Variants in SCAMP1 observed in about 807,000 individuals in gnomAD.
SCAMP1 encodes secretory carrier-associated membrane protein 1.
In SCAMP1, 15 loss-of-function variants were observed where a neutral mutation model predicts 41.8. The observed-to-expected ratio is 0.36, with a 90% CI of 0.24 to 0.55. The LOEUF is 0.55. Among genes scored for constraint, SCAMP1 ranks in the 20% least tolerant of loss-of-function variants. The probability of loss-of-function intolerance (pLI) is 0.86; values close to 1 mark genes in which losing one functional copy is unlikely to be tolerated. For missense variants in SCAMP1, 341 were observed against 412.6 expected (o/e 0.83, Z 1.50); for synonymous variants, 135 against 136.8 (o/e 0.99, Z 0.09).
rs540120441 is a variant in SCAMP1 at position 78,360,800 on chromosome 5, C to T, written c.57+72C>T. The T allele has an allele frequency of 5.6e-5, 80 of 1,430,470 alleles. 1 individual carries two copies. The Middle Eastern group carries it at 1.4e-3, about 25-fold the overall frequency. The allele number at this position is 1,430,470 out of a possible 1,614,324, so 88.6% of individuals were successfully genotyped here. ...TTGTGAAAACGGACGAGTTCCTTCG[C>T]GCCCACTGCGTCTGCCCCTCGGCTC... On this transcript the variant is annotated intron_variant, in intron 1 of 8. Transcript: ENST00000621999.
chr5:78,383,771 A>G (rs1267649833), intron 1 of SCAMP1, among the ~76,000 whole-genome samples: 1 of 152,158 alleles, frequency 6.6e-6, no homozygotes. Context: ...TGGGTTCTCT[A>G]TTCCATTCCA....
intron 6 of SCAMP1, among the ~76,000 whole-genome samples, chr5:78,443,181 C>T (rs1752968691): frequency 1.4e-5 from 2 of 142,008 alleles, no homozygotes; most frequent in South Asian, 4.5e-4. Context: ...CCACTGCACT[C>T]CAGCCTGGGC....
intron 6 of SCAMP1, among the ~76,000 whole-genome samples, chr5:78,437,291 G>T (rs373478192): frequency 5.9e-5 from 9 of 152,150 alleles, no homozygotes; most frequent in African/African-American, 1.9e-4. Flanking sequence ...GTCTTGTGCC[G>T]GTTTTCAAAG....
intron 2 of SCAMP1, among the ~76,000 whole-genome samples, chr5:78,391,816 C>T (rs1332108818): frequency 3.3e-5 from 5 of 152,194 alleles, no homozygotes; most frequent in Non-Finnish European, 7.3e-5. Flanking sequence ...ACCAGCCTGG[C>T]CAACACAGCA....
intron 2 of SCAMP1, among the ~76,000 whole-genome samples, chr5:78,395,603 GAA>G (rs1188657955): frequency 1.6e-4 from 24 of 152,206 alleles, no homozygotes; most frequent in African/African-American, 4.8e-4. Flanking sequence ...AATTGGGGAA[GAA>G]TCTGCTTCCA....
intron 2 of SCAMP1, among the ~76,000 whole-genome samples, chr5:78,403,431 A>G (rs1395343588): frequency 1.3e-5 from 2 of 152,154 alleles, no homozygotes; most frequent in Admixed American, 1.3e-4. Flanking sequence ...AGATATTTGC[A>G]GAAGAACCCA....
In SCAMP1 at chr5:78,421,053, A is replaced by G. The variant is rs544018044; in HGVS notation, c.473-748A>G. On this transcript the variant is annotated intron_variant, in intron 5 of 8. Coordinates refer to ENST00000621999, the MANE Select transcript of SCAMP1 (RefSeq NM_004866.6). ...AAACAGTTATTAATTACAATGGGTC[A>G]AAGTAGTTCTTTAGGATCATGGTAT... 5.9e-5 allele frequency among the ~76,000 whole-genome samples: 9 copies of G among 152,340 alleles called. No homozygotes were observed. The South Asian group carries it at 1.9e-3, about 32-fold the overall frequency.
At position 78,368,300 on chromosome 5, in the gene SCAMP1, G is replaced by A. The variant is rs557663741; in HGVS notation, c.57+7572G>A. On this transcript the variant is annotated intron_variant, in intron 1 of 8. Transcript: ENST00000621999. Reference sequence around the variant, plus strand: ...CTGCCATAGGAGGCTGCTGTGCCACGTGACAAAACTAAGATTTGAACACAG... The same window carrying A: ...CTGCCATAGGAGGCTGCTGTGCCACATGACAAAACTAAGATTTGAACACAG... Among the ~76,000 whole-genome samples, 165 of 152,278 alleles carry A rather than the reference G, an allele frequency of 1.1e-3. 1 individual carries two copies. Among genetic ancestry groups the A allele is most frequent in the African/African-American group, 3.8e-3 (158 of 41,558 alleles).
Position 78,478,376 on chromosome 5 carries a change from T to A in SCAMP1, c.*2708T>A, listed in dbSNP as rs1044545678. 3.3e-5 allele frequency: 5 copies of A among 152,640 alleles called. No individual in the cohort carries two copies. The highest frequency in any genetic ancestry group is 7.2e-5 in the African/African-American group (3 of 41,468). The allele number at this position is 152,640 out of a possible 1,614,324, so 9.5% of individuals were successfully genotyped here. ...TATAGAAATTCCATGTTTGATTTTT[T>A]AAAATATGTGTATAAGTCTGTCATG... On this transcript the variant is annotated 3_prime_UTR_variant, in exon 9 of 9. Coordinates refer to ENST00000621999, the MANE Select transcript of SCAMP1 (RefSeq NM_004866.6).
chr5:78,390,697 CAG>C (rs746192678), intron 2 of SCAMP1, among the ~76,000 whole-genome samples: 51 of 144,716 alleles, frequency 3.5e-4, no homozygotes, highest in Middle Eastern at 3.5e-3. Flanking sequence ...GTGTTTCTCA[CAG>C]AGGGGGATTT....
At chr5:78,413,341 G>A (rs140728695) in intron 2 of SCAMP1, among the ~76,000 whole-genome samples, 2 of 150,344 alleles carry the variant, frequency 1.3e-5, no homozygotes, top group African/African-American at 2.4e-5. Context: ...AATTACTGTG[G>A]TTCTATAATA....
chr5:78,451,127 G>A (rs1753215063), intron 7 of SCAMP1, among the ~76,000 whole-genome samples: 1 of 152,110 alleles, frequency 6.6e-6, no homozygotes, highest in South Asian at 2.1e-4. Flanking sequence ...TAGGGAAAAT[G>A]CTAAAATTGA....
chr5:78,405,033 T>C (rs1259180954), intron 2 of SCAMP1, among the ~76,000 whole-genome samples: 1 of 152,260 alleles, frequency 6.6e-6, no homozygotes, highest in Admixed American at 6.5e-5. Flanking sequence ...AGAGAGCTTT[T>C]GCTCTGGCAA....
intron 7 of SCAMP1, among the ~76,000 whole-genome samples, chr5:78,451,062 G>T (rs543915845): frequency 7.2e-5 from 11 of 152,168 alleles, no homozygotes; most frequent in Non-Finnish European, 1.0e-4. Context: ...ACAGCACGAG[G>T]TTTTTTTAAT....
chr5:78,390,327 G>C (rs1751453770), intron 2 of SCAMP1, among the ~76,000 whole-genome samples: 1 of 152,158 alleles, frequency 6.6e-6, no homozygotes, highest in Non-Finnish European at 1.5e-5. Context: ...AACAGCCTTT[G>C]CTTATATGTA....
chr5:78,464,860 G>T (rs536417609), intron 8 of SCAMP1, among the ~76,000 whole-genome samples: 2 of 152,242 alleles, frequency 1.3e-5, no homozygotes, highest in South Asian at 4.1e-4. Flanking sequence ...GATTATAGTG[G>T]TGGTGGGAAG....
intron 1 of SCAMP1, among the ~76,000 whole-genome samples, chr5:78,376,830 G>T (rs557311625): frequency 1.3e-5 from 2 of 152,180 alleles, no homozygotes; most frequent in Non-Finnish European, 2.9e-5. Context: ...GGATTTTTTT[G>T]TTTGTTTGTT....
chr5:78,431,506 T>G (rs1418170656), intron 6 of SCAMP1, among the ~76,000 whole-genome samples: 1 of 149,960 alleles, frequency 6.7e-6, no homozygotes, highest in Non-Finnish European at 1.5e-5. Flanking sequence ...ATTCCAACTA[T>G]TCTTTGTTTC....
At chr5:78,445,255 T>TG (rs1474240248) in intron 6 of SCAMP1, among the ~76,000 whole-genome samples, 18 of 152,242 alleles carry the variant, frequency 1.2e-4, no homozygotes, top group African/African-American at 3.9e-4. Flanking sequence ...GCAGCTTGAC[T>TG]GTGGAAGACA....
Sources: allele counts gnomAD v4.1 joint callset (sites outside exome capture counted in the v4.1 genomes callset), GRCh38; gene constraint gnomAD v4.1.1; transcripts MANE v1.5; gene names NCBI Gene and HGNC (gene_info 2026-07-23, HGNC 2026-07-21).